TOMM40L: variants seen among roughly 807,000 people sequenced by gnomAD.
TOMM40L encodes the protein mitochondrial import receptor subunit TOM40B.
A neutral mutation model predicts 38.3 loss-of-function variants in TOMM40L; 17 were observed. The ratio of observed to expected loss-of-function variants is 0.44; its 90% confidence interval spans 0.30 to 0.67. The LOEUF (loss-of-function observed/expected upper bound fraction) is 0.67. Ranked by LOEUF, TOMM40L falls within the 30% of genes least tolerant of loss-of-function variation. The pLI is 0.08. For synonymous variants in TOMM40L, 151 were observed against 150.2 expected, an observed-to-expected ratio of 1.01 and a Z score of -0.04; for missense variants, 294 against 390.0, an observed-to-expected ratio of 0.75 and a Z score of 2.07.
rs1473960326 is a variant in TOMM40L, at chr1:161,226,878, C to A, written c.116-10C>A. Reference sequence around the variant, plus strand: ...TGTGCTTATTCCTTCCCTTCCCCTACCCCCTTCAGATGTATTCCCAGCACA... The same window carrying A: ...TGTGCTTATTCCTTCCCTTCCCCTAACCCCTTCAGATGTATTCCCAGCACA... On this transcript the variant is annotated splice_polypyrimidine_tract_variant and intron_variant, in intron 2 of 9. Coordinates refer to ENST00000367988, the MANE Select transcript of TOMM40L (RefSeq NM_032174.6). The A allele has an allele frequency of 6.2e-7, 1 of 1,613,982 alleles. No individual in the cohort carries two copies. Among genetic ancestry groups the A allele is most frequent in the Non-Finnish European group, 8.5e-7 (1 of 1,179,912 alleles).
rs1666329309 is a variant in TOMM40L, at chr1:161,226,155, T to C, written c.-136+19T>C. ...TGAGATGGTAAGGGATACTGCACCA[T>C]TGCGGGCCTGGTCTTGGGGCCTGGG... On this transcript the variant is annotated intron_variant, in intron 1 of 9. Coordinates refer to ENST00000367988, the MANE Select transcript of TOMM40L (RefSeq NM_032174.6). The C allele has an allele frequency of 4.0e-6, 1 of 251,308 alleles. No individual in the cohort carries two copies. 15.6% of individuals were successfully genotyped at this position (251,308 alleles called of 1,614,324 possible).
chr1:161,226,269 G>A, intron 1 of TOMM40L, 86 bp from the exon 2 acceptor site: 1 of 538,932 alleles, frequency 1.9e-6, no homozygotes, highest in Non-Finnish European at 3.3e-6. Context: ...GGTGACAAGT[G>A]GGGGTGAGAG....
chr1:161,229,974 G>T lies in TOMM40L; in HGVS notation c.*879G>T, dbSNP rs778679467. 2 of 1,609,458 alleles carry T rather than the reference G, an allele frequency of 1.2e-6. No individual in the cohort carries two copies. Among genetic ancestry groups the T allele is most frequent in the East Asian group, 2.2e-5 (1 of 44,848 alleles). Reference sequence around the variant, plus strand: ...GCCAGGAAAACAGGAGGGAAATAAGGCAGTTGGGAGTCTTGTCTCTAGGCC... The same window carrying T: ...GCCAGGAAAACAGGAGGGAAATAAGTCAGTTGGGAGTCTTGTCTCTAGGCC... On this transcript the variant is annotated 3_prime_UTR_variant, in exon 10 of 10. Transcript: ENST00000367988.
chr1:161,228,577 G>GCC lies in TOMM40L; in HGVS notation c.684+75_684+76dup, dbSNP rs1379253840. 1.3e-5 allele frequency: 20 copies of GCC among 1,582,872 alleles called. No homozygotes were observed. The East Asian group carries it at 4.5e-4, about 35-fold the overall frequency. On this transcript the variant is annotated intron_variant, in intron 8 of 9. Transcript: ENST00000367988. ...ACTTCTGTTCATCTGGACCTCTATC[G>GCC]CCCTGCTGACCTATTTTTCTTCCTA...
Position 161,226,965 on chromosome 1 carries a change from C to T in TOMM40L, c.183+10C>T. On this transcript the variant is annotated intron_variant, in intron 3 of 9. Transcript: ENST00000367988. ...GAGCAGCCATTTCCAGGTGCTCCCACTTCTCTGGCCCCTCCTTACTATTCC... is the reference window on the plus strand; with the variant it reads ...GAGCAGCCATTTCCAGGTGCTCCCATTTCTCTGGCCCCTCCTTACTATTCC... The T allele has an allele frequency of 2.5e-6, 4 of 1,614,034 alleles. No homozygotes were observed. Among genetic ancestry groups the T allele is most frequent in the Non-Finnish European group, 2.5e-6 (3 of 1,179,976 alleles).
chr1:161,230,133 G>T lies in TOMM40L; in HGVS notation c.*1038G>T. 1.7e-6 allele frequency: 1 copy of T among 579,298 alleles called. No homozygotes were observed. Among genetic ancestry groups the T allele is most frequent in the Non-Finnish European group, 3.0e-6 (1 of 333,634 alleles). 35.9% of individuals were successfully genotyped at this position (579,298 alleles called of 1,614,324 possible). A position where few individuals can be genotyped will look rare whatever the true frequency, so the allele number is the denominator to read the frequency against. ...GTCTGACACTGTCTTCTCTCACCAT[G>T]CTCAGTTTTTTCTGAACCCAGAGCT... On this transcript the variant is annotated 3_prime_UTR_variant, in exon 10 of 10. Transcript: ENST00000367988.
rs61731576 is a variant in TOMM40L, at chr1:161,228,307, G to A, written c.606G>A (p.Ser202=). 7 of 1,605,988 alleles carry A rather than the reference G, an allele frequency of 4.4e-6. No homozygotes were observed. Among genetic ancestry groups the A allele is most frequent in the Non-Finnish European group, 6.0e-6 (7 of 1,174,516 alleles). ...TCTTGACACTGGCTGGGAAGTACTCGGGTATGGGGCGAAGTGAAGTAGTGG... is the reference window on the plus strand; with the variant it reads ...TCTTGACACTGGCTGGGAAGTACTCAGGTATGGGGCGAAGTGAAGTAGTGG... ...GAILTLAGKY[S]AVHWVATLNV... The change falls in exon 7 of 10, where the codon TCG becomes TCA. Residue 202 remains serine (S), a splice_region_variant and synonymous_variant. Transcript: ENST00000367988.
In TOMM40L at chr1:161,230,229, C is replaced by G. The variant is rs183109360; in HGVS notation, c.*1134C>G. 5.0e-6 allele frequency: 2 copies of G among 401,312 alleles called. No individual in the cohort carries two copies. The highest frequency in any genetic ancestry group is 9.1e-6 in the Non-Finnish European group (2 of 219,288). 24.9% of individuals were successfully genotyped at this position (401,312 alleles called of 1,614,324 possible). A position where few individuals can be genotyped will look rare whatever the true frequency, so the allele number is the denominator to read the frequency against. ...AACCATGTGGAATCTGAGGGCCTGG[C>G]CTTCTAGAGCAGGTTCTAGAAGGTG... On this transcript the variant is annotated 3_prime_UTR_variant, in exon 10 of 10. Coordinates refer to ENST00000367988, the MANE Select transcript of TOMM40L (RefSeq NM_032174.6).
Position 161,229,578 on chromosome 1 carries a change from T to G in TOMM40L, c.*483T>G. The G allele has an allele frequency of 6.6e-7, 1 of 1,517,558 alleles. No homozygotes were observed. The highest frequency in any genetic ancestry group is 9.0e-7 in the Non-Finnish European group (1 of 1,115,916). 94.0% of individuals were successfully genotyped at this position (1,517,558 alleles called of 1,614,324 possible). On this transcript the variant is annotated 3_prime_UTR_variant, in exon 10 of 10. Transcript: ENST00000367988. ...GCTTCTTTACCTCTTAGCCCTGAGG[T>G]TTCCTCCTTCCCATCTTCTGTGCTT...
intron 6 of TOMM40L, 21 bp from the exon 7 acceptor site, chr1:161,228,165 T>A: frequency 6.4e-7 from 1 of 1,571,574 alleles, no homozygotes; most frequent in Non-Finnish European, 8.6e-7. Flanking sequence ...ACTGACTCCA[T>A]GTCTCCCCAT....
Position 161,230,266 on chromosome 1 carries a change from T to C in TOMM40L, c.*1171T>C. 2.9e-6 allele frequency: 1 copy of C among 347,286 alleles called. No individual in the cohort carries two copies. The highest frequency in any genetic ancestry group is 5.3e-6 in the Non-Finnish European group (1 of 187,590). The allele number at this position is 347,286 out of a possible 1,614,324, so 21.5% of individuals were successfully genotyped here. A position where few individuals can be genotyped will look rare whatever the true frequency, so the allele number is the denominator to read the frequency against. ...GGTTCTAGAAGGTGGATGTGTTCTATGGTATAAAGCATCCCCTTTCTGGCC... is the reference window on the plus strand; with the variant it reads ...GGTTCTAGAAGGTGGATGTGTTCTACGGTATAAAGCATCCCCTTTCTGGCC... On this transcript the variant is annotated 3_prime_UTR_variant, in exon 10 of 10. Coordinates refer to ENST00000367988, the MANE Select transcript of TOMM40L (RefSeq NM_032174.6).
At position 161,227,970 on chromosome 1, in the gene TOMM40L, T is replaced by C. The variant is rs992390789; in HGVS notation, c.465T>C (p.Pro155=). ...DYTATLTLGN[P]DLIGESVIMV... is the part of the protein sequence containing the mutation. ...CAGCCACTCTGACCCTAGGAAATCCTGACCTGATTGGGGAGTCGGGTGAGG... is the reference window on the plus strand; with the variant it reads ...CAGCCACTCTGACCCTAGGAAATCCCGACCTGATTGGGGAGTCGGGTGAGG... Residue 155 remains proline (P), a synonymous_variant, in exon 6 of 10, where the codon CCT becomes CCC. Transcript: ENST00000367988. The C allele has an allele frequency of 2.5e-6, 4 of 1,614,178 alleles. No homozygotes were observed. The highest frequency in any genetic ancestry group is 3.4e-6 in the Non-Finnish European group (4 of 1,180,014).
chr1:161,226,094 G>T lies in TOMM40L; in HGVS notation c.-178G>T, dbSNP rs548275218. Reference sequence around the variant, plus strand: ...GATGGCTGCCCCCATCAAGATGACCGGGGTGTGCCGGGGGGAAAGGGGCAG... The same window carrying T: ...GATGGCTGCCCCCATCAAGATGACCTGGGTGTGCCGGGGGGAAAGGGGCAG... On this transcript the variant is annotated 5_prime_UTR_variant, in exon 1 of 10. Coordinates refer to ENST00000367988, the MANE Select transcript of TOMM40L (RefSeq NM_032174.6). 369 of 165,100 alleles carry T rather than the reference G, an allele frequency of 2.2e-3. 2 individuals carry two copies. The highest frequency in any genetic ancestry group is 8.2e-3 in the African/African-American group (342 of 41,828). 10.2% of individuals were successfully genotyped at this position (165,100 alleles called of 1,614,324 possible).
Position 161,228,370 on chromosome 1 carries a change from C to A in TOMM40L, c.608-58C>A, listed in dbSNP as rs1666529820. ...GCAATTCTGGACTTTTCTGGGGTTCCTGGCCTGTGTCATACTACAGTTAAC... is the reference window on the plus strand; with the variant it reads ...GCAATTCTGGACTTTTCTGGGGTTCATGGCCTGTGTCATACTACAGTTAAC... On this transcript the variant is annotated intron_variant, in intron 7 of 9. Coordinates refer to ENST00000367988, the MANE Select transcript of TOMM40L (RefSeq NM_032174.6). 1.9e-6 allele frequency: 3 copies of A among 1,612,918 alleles called. No individual in the cohort carries two copies. In the Admixed American group the frequency reaches 5.0e-5, roughly 27 times the overall value.
intron 9 of TOMM40L, 46 bp from the exon 10 acceptor site, chr1:161,228,910 T>C: frequency 6.2e-7 from 1 of 1,614,028 alleles, no homozygotes; most frequent in South Asian, 1.1e-5. Context: ...GACTATTTCC[T>C]CCAATCCCTG....
Position 161,226,520 on chromosome 1 carries a change from G to C in TOMM40L, c.31G>C (p.Gly11Arg). 4 of 1,614,110 alleles carry C rather than the reference G, an allele frequency of 2.5e-6. No homozygotes were observed. The highest frequency in any genetic ancestry group is 3.4e-6 in the Non-Finnish European group (4 of 1,179,994). The change falls in exon 2 of 10, where the codon GGG (glycine) becomes CGG (arginine). Residue 11 changes from glycine to arginine, a missense_variant. Coordinates refer to ENST00000367988, the MANE Select transcript of TOMM40L (RefSeq NM_032174.6). ...GAACACATTGGGCCTGGCACCAATG[G>C]GGACTTTGCCCCGCCGGAGCCCCCG... MGNTLGLAPM[G>R]TLPRRSPRRE...
In TOMM40L at chr1:161,226,502, T is replaced by C. The variant is rs560075720; in HGVS notation, c.13T>C (p.Leu5=). The C allele has an allele frequency of 1.5e-5, 25 of 1,613,888 alleles. No homozygotes were observed. The highest frequency in any genetic ancestry group is 9.9e-5 in the South Asian group (9 of 91,064). ...CCTCTGGACTAAAATGGGGAACACA[T>C]TGGGCCTGGCACCAATGGGGACTTT... The part of the protein sequence containing the change: MGNT[L]GLAPMGTLPR... Residue 5 remains leucine (L), a synonymous_variant, in exon 2 of 10, where the codon TTG becomes CTG. Transcript: ENST00000367988.
At position 161,226,361 on chromosome 1, in the gene TOMM40L, C is replaced by A; in HGVS notation, c.-129C>A. 1 of 736,760 alleles carries A rather than the reference C, an allele frequency of 1.4e-6. No homozygotes were observed. Among genetic ancestry groups the A allele is most frequent in the Non-Finnish European group, 2.2e-6 (1 of 450,934 alleles). 45.6% of individuals were successfully genotyped at this position (736,760 alleles called of 1,614,324 possible). A position where few individuals can be genotyped will look rare whatever the true frequency, so the allele number is the denominator to read the frequency against. ...CCTACTCTTCCTGTTCCAGGTGTAGCGTCGGACCATGTGGAAGTTTCTGAG... is the reference window on the plus strand; with the variant it reads ...CCTACTCTTCCTGTTCCAGGTGTAGAGTCGGACCATGTGGAAGTTTCTGAG... On this transcript the variant is annotated 5_prime_UTR_variant, in exon 2 of 10. Coordinates refer to ENST00000367988, the MANE Select transcript of TOMM40L (RefSeq NM_032174.6).
chr1:161,226,687 G>A (rs1666368885), intron 2 of TOMM40L, 83 bp downstream of exon 2: 25 of 1,435,512 alleles, frequency 1.7e-5, no homozygotes, highest in Non-Finnish European at 2.4e-5. Flanking sequence ...GGCGATGGGA[G>A]CAGGAAAGGG....
Sources: allele counts gnomAD v4.1 joint callset, GRCh38; gene constraint gnomAD v4.1.1; transcripts MANE v1.5; gene names NCBI Gene and HGNC (gene_info 2026-07-23, HGNC 2026-07-21).